The following SYNDIG1 variants were observed in gnomAD, a reference collection of about 807,000 sequenced individuals.
The protein encoded by SYNDIG1 is synapse differentiation-inducing gene protein 1.
SYNDIG1 carries 9 observed loss-of-function variants against 19.4 expected under a neutral mutation model. That is an observed-to-expected ratio of 0.46 (90% CI 0.28 to 0.81). The LOEUF is 0.81. Ranked by LOEUF, SYNDIG1 falls within the 30% of genes least tolerant of loss-of-function variation. The pLI, the probability that SYNDIG1 is intolerant of heterozygous loss-of-function variation, is 0.12. For missense variants in SYNDIG1, 311 were observed against 343.3 expected (o/e 0.91, Z 0.74); for synonymous variants, 141 against 145.9 (o/e 0.97, Z 0.24).
chr20:24,618,171 G>A (rs2058975835), intron 3 of SYNDIG1, among the ~76,000 whole-genome samples: 1 of 143,900 alleles, frequency 6.9e-6, no homozygotes, highest in Non-Finnish European at 1.5e-5. Context: ...AGGGAAGGGG[G>A]AGACCCTGGG....
At chr20:24,584,499 CAGTCCCTGCAA>C (rs1413167418) in intron 2 of SYNDIG1, among the ~76,000 whole-genome samples, 3 of 152,206 alleles carry the variant, frequency 2.0e-5, no homozygotes, top group African/African-American at 7.2e-5. Flanking sequence ...TCCCTACAGG[CAGTCCCTGCAA>C]AGTCCCCAGT....
intron 2 of SYNDIG1, among the ~76,000 whole-genome samples, chr20:24,564,536 T>G (rs1304211578): frequency 6.6e-6 from 1 of 152,206 alleles, no homozygotes; most frequent in Admixed American, 6.5e-5. Flanking sequence ...TGCTGTACTG[T>G]TAAAAGGTAG....
chr20:24,527,810 G>A (rs140621201), intron 1 of SYNDIG1, among the ~76,000 whole-genome samples: 134 of 152,276 alleles, frequency 8.8e-4, no homozygotes, highest in African/African-American at 3.0e-3. Flanking sequence ...ATGGAAACTT[G>A]GGTATCCCTT....
At chr20:24,639,588 G>A (rs571527020) in intron 3 of SYNDIG1, among the ~76,000 whole-genome samples, 29 of 152,260 alleles carry the variant, frequency 1.9e-4, no homozygotes, top group African/African-American at 5.3e-4. Flanking sequence ...TTGAGTTGTC[G>A]GCGTGATGTT....
chr20:24,581,516 C>T (rs1190670088), intron 2 of SYNDIG1, among the ~76,000 whole-genome samples: 1 of 152,032 alleles, frequency 6.6e-6, no homozygotes, highest in Non-Finnish European at 1.5e-5. Flanking sequence ...GAGATTGGAC[C>T]TCCCGAGCAT....
intron 2 of SYNDIG1, among the ~76,000 whole-genome samples, chr20:24,563,855 G>A (rs1423913196): frequency 2.6e-5 from 4 of 152,078 alleles, no homozygotes; most frequent in African/African-American, 9.7e-5. Flanking sequence ...TGTCTGTCTT[G>A]GCCTCCCCCA....
At chr20:24,598,886 A>G (rs2058636408) in intron 3 of SYNDIG1, among the ~76,000 whole-genome samples, 1 of 152,228 alleles carries the variant, frequency 6.6e-6, no homozygotes, top group South Asian at 2.1e-4. Context: ...CTATAAAACT[A>G]CTAAAGAAAA....
At chr20:24,532,180 A>G (rs1481531543) in intron 1 of SYNDIG1, among the ~76,000 whole-genome samples, 1 of 152,194 alleles carries the variant, frequency 6.6e-6, no homozygotes, top group Non-Finnish European at 1.5e-5. Flanking sequence ...TCAGCCAAAG[A>G]GCTGTAATCA....
At chr20:24,577,359 C>A (rs117589975) in intron 2 of SYNDIG1, among the ~76,000 whole-genome samples, 4,288 of 152,346 alleles carry the variant, frequency 0.028, 75 homozygotes, top group Middle Eastern at 0.044. Context: ...AGGCAGCCCA[C>A]GGAAAACCCC....
intron 2 of SYNDIG1, among the ~76,000 whole-genome samples, chr20:24,551,635 T>C (rs1456076873): frequency 1.3e-5 from 2 of 152,212 alleles, no homozygotes; most frequent in African/African-American, 4.8e-5. Flanking sequence ...GCTATCACTT[T>C]CTTTCAAACA....
chr20:24,561,081 G>A (rs1464962996), intron 2 of SYNDIG1, among the ~76,000 whole-genome samples: 1 of 151,828 alleles, frequency 6.6e-6, no homozygotes, highest in African/African-American at 2.4e-5. Flanking sequence ...AGGTCAGTCA[G>A]TTAATTATTG....
intron 3 of SYNDIG1, among the ~76,000 whole-genome samples, chr20:24,631,420 C>A (rs943846431): frequency 6.6e-6 from 1 of 152,222 alleles, no homozygotes; most frequent in Non-Finnish European, 1.5e-5. Context: ...CACCTGCGGG[C>A]GCGACGGCCT....
intron 2 of SYNDIG1, among the ~76,000 whole-genome samples, chr20:24,584,275 C>T (rs2058376320): frequency 6.6e-6 from 1 of 152,212 alleles, no homozygotes; most frequent in Admixed American, 6.5e-5. Flanking sequence ...AGTTCAGAGT[C>T]AAGAGAAACT....
At chr20:24,478,985 G>A (rs9679806) in intron 1 of SYNDIG1, among the ~76,000 whole-genome samples, 3,705 of 152,332 alleles carry the variant, frequency 0.024, 134 homozygotes, top group African/African-American at 0.084. Flanking sequence ...GCTTTTCCCG[G>A]AAGATGGAAA....
intron 3 of SYNDIG1, among the ~76,000 whole-genome samples, chr20:24,607,229 G>T (rs576684515): frequency 1.3e-5 from 2 of 151,946 alleles, no homozygotes; most frequent in African/African-American, 4.8e-5. Flanking sequence ...GTGTGGTGGC[G>T]TGCATCTGTA....
chr20:24,623,583 G>C (rs1034500591), intron 3 of SYNDIG1, among the ~76,000 whole-genome samples: 4 of 152,190 alleles, frequency 2.6e-5, no homozygotes, highest in African/African-American at 9.7e-5. Flanking sequence ...TTGGTGATTA[G>C]AGCATGTGTT....
At chr20:24,580,263 A>G (rs2146995084) in intron 2 of SYNDIG1, among the ~76,000 whole-genome samples, 1 of 152,308 alleles carries the variant, frequency 6.6e-6, no homozygotes, top group South Asian at 2.1e-4. Context: ...GGCCTCTCCT[A>G]GGCCAGCCTC....
At chr20:24,556,675 A>G (rs1307065802) in intron 2 of SYNDIG1, among the ~76,000 whole-genome samples, 1 of 152,188 alleles carries the variant, frequency 6.6e-6, no homozygotes, top group Non-Finnish European at 1.5e-5. Flanking sequence ...CAAGAGATCC[A>G]CTGTTAGTCT....
At chr20:24,612,214 A>G (rs561626856) in intron 3 of SYNDIG1, among the ~76,000 whole-genome samples, 2 of 152,340 alleles carry the variant, frequency 1.3e-5, no homozygotes, top group African/African-American at 4.8e-5. Context: ...ACGCCTCCCA[A>G]GACTTTTCTT....
Sources: gnomAD v4.1 joint callset for allele counts (sites outside exome capture counted in the v4.1 genomes callset) on GRCh38, gnomAD v4.1.1 for gene constraint, MANE v1.5 for transcripts, NCBI Gene and HGNC (gene_info 2026-07-23, HGNC 2026-07-21) for gene names.